Variants in DNAH6 observed in about 807,000 individuals in gnomAD.
DNAH6 encodes axonemal beta dynein heavy chain 6.
DNAH6 carries 340 observed loss-of-function variants against 491.4 expected under a neutral mutation model. That is an observed-to-expected ratio of 0.69 (90% confidence interval 0.63 to 0.76). DNAH6 has a LOEUF of 0.76. Among genes scored for constraint, DNAH6 ranks in the 30% least tolerant of loss-of-function variants. DNAH6 has a pLI of 0.00. For missense variants in DNAH6, 4,443 were observed against 4,972.2 expected (o/e 0.89, Z 3.20); for synonymous variants, 1,603 against 1,686.1 (o/e 0.95, Z 1.21).
chr2:84,644,883 A>G (rs1689753371), intron 33 of DNAH6, among the ~76,000 whole-genome samples: 1 of 152,158 alleles, frequency 6.6e-6, no homozygotes, highest in South Asian at 2.1e-4. Context: ...GCTATTTTGA[A>G]TAATACTGCA....
intron 26 of DNAH6, 88 bp downstream of exon 26, chr2:84,621,639 TA>T (rs1451901626): frequency 1.0e-5 from 7 of 685,412 alleles, no homozygotes; most frequent in Non-Finnish European, 1.7e-5. Flanking sequence ...AAATTCACTT[TA>T]TTTCAGAAAT....
chr2:84,801,259 A>C (rs1289886963), intron 70 of DNAH6, among the ~76,000 whole-genome samples: 1 of 150,882 alleles, frequency 6.6e-6, no homozygotes, highest in Non-Finnish European at 1.5e-5. Flanking sequence ...AAAAAAAAGA[A>C]AAAGAAAAAG....
At chr2:84,520,864 A>G (rs1676063785) in intron 2 of DNAH6, among the ~76,000 whole-genome samples, 1 of 152,084 alleles carries the variant, frequency 6.6e-6, no homozygotes, top group African/African-American at 2.4e-5. Flanking sequence ...ATAGTGCTGC[A>G]ATGAACATAC....
chr2:84,762,789 A>G lies in DNAH6; in HGVS notation c.10547A>G (p.Asn3516Ser), dbSNP rs570344219. 1.9e-6 allele frequency: 3 copies of G among 1,550,820 alleles called. No homozygotes were observed. Among genetic ancestry groups the G allele is most frequent in the Admixed American group, 3.9e-5 (2 of 50,790 alleles). Reference protein sequence around the residue: ...VFALTDFVIENLGKQFIETPP... With the variant: ...VFALTDFVIESLGKQFIETPP... ...GCTCTTACAGACTTTGTGATAGAAA[A>G]TCTTGGAAAACAGTTTATAGAGACA... Residue 3516 changes from asparagine (N) to serine (S), a missense_variant, in exon 64 of 77, where the codon AAT becomes AGT. Asn to Ser is a conservative substitution (Grantham distance 46, BLOSUM62 1). Transcript: ENST00000389394.
chr2:84,705,389 T>C (rs981638914), intron 51 of DNAH6, 97 bp from the exon 52 acceptor site: 2 of 1,157,124 alleles, frequency 1.7e-6, no homozygotes, highest in African/African-American at 3.1e-5. Context: ...ATTATCCACT[T>C]ATTGGGATAA....
intron 30 of DNAH6, among the ~76,000 whole-genome samples, chr2:84,635,286 G>A (rs11894908): frequency 0.065 from 9,846 of 152,192 alleles, 1,048 homozygotes; most frequent in African/African-American, 0.22. Flanking sequence ...ACTAAATTGT[G>A]TAAGTCATTA....
Position 84,584,101 on chromosome 2 carries a change from A to G in DNAH6, c.2332A>G (p.Thr778Ala), listed in dbSNP as rs1172603182. The G allele has an allele frequency of 6.2e-7, 1 of 1,614,196 alleles. No individual in the cohort carries two copies. The highest frequency in any genetic ancestry group is 8.5e-7 in the Non-Finnish European group (1 of 1,180,030). Residue 778 changes from threonine (T) to alanine (A), a missense_variant, in exon 15 of 77, where the codon ACT becomes GCT. Transcript: ENST00000389394. ...TCCTGAAGACTTTGCTGTTTTTGCA[A>G]CTATGAAGCCATCCATTGTTGCTGT... is the stretch of plus-strand genomic sequence containing the variant. Reference protein sequence around the residue: ...TPPEDFAVFATMKPSIVAVRN... With the variant: ...TPPEDFAVFAAMKPSIVAVRN...
chr2:84,478,589 C>G, the DNAH6 span, among the ~76,000 whole-genome samples: 6 of 152,130 alleles, frequency 3.9e-5, no homozygotes, highest in Admixed American at 3.9e-4. Flanking sequence ...TTTCTTTCCT[C>G]ATATTTGAGC....
intron 55 of DNAH6, 150 bp downstream of exon 55, chr2:84,709,696 A>G (rs1048169292): frequency 1.2e-4 from 107 of 871,170 alleles, no homozygotes; most frequent in Non-Finnish European, 1.7e-4. Context: ...TTAAAGTCCT[A>G]TAGTCCAAGT....
chr2:84,530,469 G>T (rs1258339119), intron 4 of DNAH6, among the ~76,000 whole-genome samples: 1 of 152,154 alleles, frequency 6.6e-6, no homozygotes, highest in Non-Finnish European at 1.5e-5. Flanking sequence ...CAAAGAGGAG[G>T]CTGGTGTGAC....
chr2:84,758,954 G>A (rs987268762), intron 63 of DNAH6, among the ~76,000 whole-genome samples: 29 of 152,102 alleles, frequency 1.9e-4, no homozygotes, highest in African/African-American at 7.0e-4. Flanking sequence ...AATCAAGCAA[G>A]AGAAAGAAGT....
chr2:84,470,890 G>C, the DNAH6 span, among the ~76,000 whole-genome samples: 3 of 152,206 alleles, frequency 2.0e-5, no homozygotes, highest in African/African-American at 7.2e-5. Flanking sequence ...AGGCTGCAAA[G>C]GCCCCGAGCT....
At position 84,540,407 on chromosome 2, in the gene DNAH6, C is replaced by T. The variant is rs557741914; in HGVS notation, c.663-3826C>T. 7.2e-5 allele frequency among the ~76,000 whole-genome samples: 11 copies of T among 152,270 alleles called. No individual in the cohort carries two copies. The East Asian group carries it at 2.1e-3, about 29-fold the overall frequency. On this transcript the variant is annotated intron_variant, in intron 4 of 76. Transcript: ENST00000389394. ...CAGTCACATGAGGCAAACTATGTTT[C>T]TGCAATATTAGTCTGGTAGATTGGT...
At chr2:84,708,549 G>A (rs578220680) in intron 54 of DNAH6, among the ~76,000 whole-genome samples, 4 of 147,084 alleles carry the variant, frequency 2.7e-5, no homozygotes, top group Admixed American at 6.8e-5. Flanking sequence ...AGGAAGGAAG[G>A]AGGAAGGAAG....
At chr2:84,504,192 C>T in the DNAH6 span, among the ~76,000 whole-genome samples, 1 of 152,240 alleles carries the variant, frequency 6.6e-6, no homozygotes, top group East Asian at 1.9e-4. Context: ...TATTAAAGGA[C>T]TCTAATGCAT....
intron 11 of DNAH6, among the ~76,000 whole-genome samples, chr2:84,559,189 C>T (rs1038385651): frequency 2.0e-5 from 3 of 152,036 alleles, no homozygotes; most frequent in Non-Finnish European, 2.9e-5. Flanking sequence ...AGAAAGAAGC[C>T]CATCCTACAT....
chr2:84,715,482 GA>G, intron 57 of DNAH6, 77 bp from the exon 58 acceptor site: 1 of 1,361,170 alleles, frequency 7.3e-7, no homozygotes, highest in South Asian at 1.3e-5. Context: ...GGGTAGTAAT[GA>G]GCTGTGTTCT....
At position 84,707,588 on chromosome 2, in the gene DNAH6, G is replaced by T; in HGVS notation, c.8920G>T (p.Glu2974Ter). Residue 2974 changes from glutamate (E) to a stop codon, truncating the protein, a stop_gained, in exon 54 of 77, where the codon GAG (glutamate) becomes TAG (stop). Coordinates refer to ENST00000389394, the MANE Select transcript of DNAH6 (RefSeq NM_001370.2). LOFTEE classifies it high-confidence loss of function. ...AGKLTAALED[E>*]QVRWEESIQK... Reference sequence around the variant, plus strand: ...AAAGCTGACAGCAGCATTAGAAGATGAGCAGGTTCGATGGGAAGAAAGCAT... The same window carrying T: ...AAAGCTGACAGCAGCATTAGAAGATTAGCAGGTTCGATGGGAAGAAAGCAT... 1.3e-6 allele frequency: 2 copies of T among 1,552,094 alleles called. No individual in the cohort carries two copies. The highest frequency in any genetic ancestry group is 1.7e-6 in the Non-Finnish European group (2 of 1,147,074).
In DNAH6 at chr2:84,705,477, G is replaced by T; in HGVS notation, c.8466-9G>T. Reference sequence around the variant, plus strand: ...TCAGTGCCATTAATATATCATGTCTGTCTTTCAGGCCTGATTGGCCATCAG... The same window carrying T: ...TCAGTGCCATTAATATATCATGTCTTTCTTTCAGGCCTGATTGGCCATCAG... On this transcript the variant is annotated splice_polypyrimidine_tract_variant and intron_variant, in intron 51 of 76. Transcript: ENST00000389394. 1 of 1,533,452 alleles carries T rather than the reference G, an allele frequency of 6.5e-7. No homozygotes were observed. The highest frequency in any genetic ancestry group is 8.8e-7 in the Non-Finnish European group (1 of 1,139,036). The allele number at this position is 1,533,452 out of a possible 1,614,324, so 95.0% of individuals were successfully genotyped here.
Sources: gnomAD v4.1 joint callset for allele counts (sites outside exome capture counted in the v4.1 genomes callset) on GRCh38, gnomAD v4.1.1 for gene constraint, MANE v1.5 for transcripts, NCBI Gene and HGNC (gene_info 2026-07-23, HGNC 2026-07-21) for gene names.